RAP1GAP2: variants seen among roughly 807,000 people sequenced by gnomAD.
RAP1GAP2 encodes the protein rap1 GTPase-activating protein 2.
In RAP1GAP2, 27 loss-of-function variants were observed where a neutral mutation model predicts 95.0. That is an observed-to-expected ratio of 0.28 (90% CI 0.21 to 0.39). The LOEUF (loss-of-function observed/expected upper bound fraction) is 0.39, where lower values mean the gene tolerates loss of function less well. Among genes scored for constraint, RAP1GAP2 ranks in the 10% least tolerant of loss-of-function variants. RAP1GAP2 has a pLI of 1.00. For missense variants in RAP1GAP2, 771 were observed against 970.0 expected (o/e 0.79, Z 2.72); for synonymous variants, 373 against 380.9 (o/e 0.98, Z 0.24).
chr17:2,894,956 C>A (rs1243918941), intron 2 of RAP1GAP2, among the ~76,000 whole-genome samples: 9 of 152,158 alleles, frequency 5.9e-5, no homozygotes, highest in African/African-American at 2.2e-4. Context: ...GGCACCCCGC[C>A]TCGGGCCCCT....
At chr17:2,832,563 A>T (rs2070934153) in intron 2 of RAP1GAP2, among the ~76,000 whole-genome samples, 2 of 150,698 alleles carry the variant, frequency 1.3e-5, no homozygotes, top group African/African-American at 4.9e-5. Context: ...ATCTCAAAAA[A>T]AAAAAAAAAA....
chr17:2,911,829 C>G (rs1041495744), intron 3 of RAP1GAP2, among the ~76,000 whole-genome samples: 1 of 152,140 alleles, frequency 6.6e-6, no homozygotes, highest in African/African-American at 2.4e-5. Context: ...CTGATTCTCT[C>G]GACGCTCATG....
intron 2 of RAP1GAP2, among the ~76,000 whole-genome samples, chr17:2,837,708 G>A (rs184566975): frequency 2.7e-5 from 4 of 150,200 alleles, no homozygotes; most frequent in East Asian, 2.0e-4. Context: ...CCGGGTTCAC[G>A]CCATTCTTCT....
intron 4 of RAP1GAP2, among the ~76,000 whole-genome samples, chr17:2,960,918 A>T (rs535238456): frequency 2.4e-4 from 36 of 152,374 alleles, no homozygotes; most frequent in African/African-American, 8.7e-4. Flanking sequence ...ACTCAGTGAT[A>T]GAACTGCTGG....
intron 3 of RAP1GAP2, among the ~76,000 whole-genome samples, chr17:2,916,712 T>TA: frequency 6.6e-6 from 1 of 152,316 alleles, no homozygotes; most frequent in African/African-American, 2.4e-5. Flanking sequence ...GAGCATCTGA[T>TA]ACGCAGGTGC....
At chr17:2,998,550 TC>T (rs1341803901) in intron 14 of RAP1GAP2, among the ~76,000 whole-genome samples, 174 bp downstream of exon 14, 16 of 152,076 alleles carry the variant, frequency 1.1e-4, no homozygotes, top group African/African-American at 3.4e-4. Flanking sequence ...GGCCACCTGA[TC>T]CCCCTTGCTG....
chr17:2,876,656 C>T (rs1275477674), intron 2 of RAP1GAP2, among the ~76,000 whole-genome samples: 1 of 152,120 alleles, frequency 6.6e-6, no homozygotes, highest in East Asian at 1.9e-4. Flanking sequence ...GCAAATGTTT[C>T]TTATAGACCT....
intron 11 of RAP1GAP2, among the ~76,000 whole-genome samples, chr17:2,986,540 ATT>A (rs397964863): frequency 6.9e-6 from 1 of 145,930 alleles, no homozygotes. Flanking sequence ...CAAGAAGATA[ATT>A]TTTTTTTTTT....
intron 2 of RAP1GAP2, among the ~76,000 whole-genome samples, chr17:2,806,582 A>C (rs1049409969): frequency 3.3e-5 from 5 of 149,942 alleles, no homozygotes; most frequent in Non-Finnish European, 5.9e-5. Context: ...TTTTTAGTAG[A>C]GGCGGGGTTT....
In RAP1GAP2 at chr17:2,950,605, A is replaced by ATTTTT. The variant is rs3035074; in HGVS notation, c.166-7135_166-7131dup. ...CTGAAGTCAGGAACTATTTGCTTCA[A>ATTTTT]TTTTTTTTTTTTTTTTTTTTTTTGA... On this transcript the variant is annotated intron_variant, in intron 3 of 24. Transcript: ENST00000254695. Among the ~76,000 whole-genome samples the ATTTTT allele has an allele frequency of 4.0e-4, 31 of 78,056 alleles. 1 individual carries two copies. Among genetic ancestry groups the ATTTTT allele is most frequent in the African/African-American group, 1.4e-3 (29 of 21,272 alleles). 51.2% of individuals were successfully genotyped at this position (78,056 alleles called of 152,430 possible).
chr17:2,915,338 C>A (rs1271803741), intron 3 of RAP1GAP2, among the ~76,000 whole-genome samples: 1 of 151,984 alleles, frequency 6.6e-6, no homozygotes, highest in Admixed American at 6.6e-5. Context: ...TCAAGCCATC[C>A]TTCCACCTCA....
intron 3 of RAP1GAP2, among the ~76,000 whole-genome samples, chr17:2,932,602 A>AAG (rs1460323852): frequency 6.7e-6 from 1 of 149,450 alleles, no homozygotes; most frequent in Non-Finnish European, 1.5e-5. Context: ...AAAAAAAAAA[A>AAG]AAGAGGAGCT....
At position 2,980,276 on chromosome 17, in the gene RAP1GAP2, G is replaced by T; in HGVS notation, c.597-11G>T. The T allele has an allele frequency of 6.2e-7, 1 of 1,612,458 alleles. No individual in the cohort carries two copies. Among genetic ancestry groups the T allele is most frequent in the Non-Finnish European group, 8.5e-7 (1 of 1,179,318 alleles). ...TCTTAGGGATGTCCTTTTTTCTCCC[G>T]TCTTGTGCAGGTCCAAACTGAAGAC... On this transcript the variant is annotated splice_polypyrimidine_tract_variant and intron_variant, in intron 8 of 24. Coordinates refer to ENST00000254695, the MANE Select transcript of RAP1GAP2 (RefSeq NM_015085.5).
At position 2,965,485 on chromosome 17, in the gene RAP1GAP2, A is replaced by G. The variant is rs1044207153; in HGVS notation, c.493-55A>G. The G allele has an allele frequency of 4.4e-6, 6 of 1,364,832 alleles. No homozygotes were observed. The Admixed American group carries it at 5.9e-5, about 13-fold the overall frequency. 84.5% of individuals were successfully genotyped at this position (1,364,832 alleles called of 1,614,324 possible). A position where few individuals can be genotyped will look rare whatever the true frequency, so the allele number is the denominator to read the frequency against. On this transcript the variant is annotated intron_variant, in intron 7 of 24. Coordinates refer to ENST00000254695, the MANE Select transcript of RAP1GAP2 (RefSeq NM_015085.5). This position sits in a 1 kb window ranked among gnomAD's most constrained non-coding sequence, Gnocchi z 4.7. ...TGGTGAAGGAGGTGGTTTAGGGGGA[A>G]CATACCTGGAAGGTTTCTTCCTCCT...
chr17:3,008,866 G>A lies in RAP1GAP2; in HGVS notation c.1494+721G>A, dbSNP rs1183792950. ...GTCAGCCTGTGCAGGTGGCGGAACG[G>A]GTCTTGTTATATTCACGAACACACG... On this transcript the variant is annotated intron_variant, in intron 17 of 24. Coordinates refer to ENST00000254695, the MANE Select transcript of RAP1GAP2 (RefSeq NM_015085.5). This position sits in a 1 kb window ranked among gnomAD's most constrained non-coding sequence, Gnocchi z 4.2. Among the ~76,000 whole-genome samples the A allele has an allele frequency of 6.6e-6, 1 of 152,144 alleles. No homozygotes were observed. The highest frequency in any genetic ancestry group is 2.4e-5 in the African/African-American group (1 of 41,446).
chr17:2,901,743 C>T (rs376912371), intron 2 of RAP1GAP2, among the ~76,000 whole-genome samples: 43 of 152,226 alleles, frequency 2.8e-4, no homozygotes, highest in Admixed American at 8.5e-4. Context: ...TATCTTATCT[C>T]GGTGCCAGCT....
intron 3 of RAP1GAP2, among the ~76,000 whole-genome samples, chr17:2,913,189 AAAAG>A (rs566198608): frequency 3.4e-5 from 5 of 147,890 alleles, no homozygotes; most frequent in African/African-American, 7.6e-5. Context: ...AAAAAAAAGA[AAAAG>A]AAAACATGAA....
At chr17:2,842,151 G>A (rs1250904325) in intron 2 of RAP1GAP2, among the ~76,000 whole-genome samples, 1 of 152,174 alleles carries the variant, frequency 6.6e-6, no homozygotes, top group African/African-American at 2.4e-5. Flanking sequence ...TCACCAGCTG[G>A]TCAGGGCCCA....
At chr17:2,808,291 G>C (rs1431785745) in intron 2 of RAP1GAP2, among the ~76,000 whole-genome samples, 1 of 152,074 alleles carries the variant, frequency 6.6e-6, no homozygotes, top group Non-Finnish European at 1.5e-5. Context: ...TGAGAAGAAG[G>C]GTCAGCTGAG....
Sources: gnomAD v4.1 joint callset for allele counts (sites outside exome capture counted in the v4.1 genomes callset) on GRCh38, gnomAD v4.1.1 for gene constraint, Gnocchi (gnomAD v3.1) non-coding constraint, MANE v1.5 for transcripts, NCBI Gene and HGNC (gene_info 2026-07-23, HGNC 2026-07-21) for gene names.